KRT28: variants seen among roughly 807,000 people sequenced by gnomAD.
KRT28 encodes keratin 28.
In KRT28, 45 loss-of-function variants were observed where a neutral mutation model predicts 48.1. The ratio of observed to expected loss-of-function variants is 0.94; its 90% CI spans 0.74 to 1.20. The LOEUF (loss-of-function observed/expected upper bound fraction) is 1.20. Among genes scored for constraint, KRT28 ranks in the 50% most tolerant of loss-of-function variants. KRT28 has a pLI of 0.00. For missense variants in KRT28, 571 were observed against 574.1 expected, an observed-to-expected ratio of 0.99 and a Z score of 0.06; for synonymous variants, 228 against 227.4, an observed-to-expected ratio of 1.00 and a Z score of -0.03.
chr17:40,796,983 C>G lies in KRT28; in HGVS notation c.911G>C (p.Ser304Thr), dbSNP rs533675064. ...HDSGAATFAR[S>T]QLTEMRRTLQ... ...GGTGCGCCTCATCTCGGTGAGCTGG[C>G]TCCGGGCGAAAGTGGCTGCGCCTGA... The change falls in exon 5 of 8, where the codon AGC becomes ACC. Residue 304 changes from serine (S) to threonine (T), a missense_variant. Physicochemically the swap from Ser to Thr is moderately conservative, Grantham distance 58. Transcript: ENST00000306658. 2.5e-5 allele frequency: 41 copies of G among 1,612,804 alleles called. 1 individual carries two copies. The South Asian group carries it at 4.2e-4, about 16-fold the overall frequency.
chr17:40,798,268 C>A lies in KRT28; in HGVS notation c.657G>T (p.Glu219Asp). The change falls in exon 3 of 8, where the codon GAG (glutamate) becomes GAT (aspartate). Residue 219 changes from glutamate (E) to aspartate (D), a missense_variant. Physicochemically the swap from Glu to Asp is conservative, Grantham distance 45. Coordinates refer to ENST00000306658, the MANE Select transcript of KRT28 (RefSeq NM_181535.3). Reference protein sequence around the residue: ...DQELQYESLSEEMTYLKKNHE... With the variant: ...DQELQYESLSDEMTYLKKNHE... ...GGTTCTTTTTGAGATATGTCATCTC[C>A]TCACTCAGAGACTCATATTGCAGCT... is the stretch of plus-strand genomic sequence containing the variant. 4.3e-6 allele frequency: 7 copies of A among 1,610,710 alleles called. No individual in the cohort carries two copies. Among genetic ancestry groups the A allele is most frequent in the Non-Finnish European group, 5.9e-6 (7 of 1,177,162 alleles).
intron 3 of KRT28, among the ~76,000 whole-genome samples, chr17:40,798,033 C>G (rs755996402): frequency 6.6e-6 from 1 of 152,200 alleles, no homozygotes; most frequent in Non-Finnish European, 1.5e-5. Flanking sequence ...AGGCACTGTT[C>G]TGAGCGTGTG....
At chr17:40,797,350 C>T (rs578248956) in intron 3 of KRT28, 69 bp from the exon 4 acceptor site, 6 of 1,470,332 alleles carry the variant, frequency 4.1e-6, no homozygotes, top group African/African-American at 1.4e-5. Flanking sequence ...AGTTCTCAAA[C>T]GTGTTACTTT....
At chr17:40,794,685 TAC>T (rs1334921813) in intron 5 of KRT28, among the ~76,000 whole-genome samples, 2 of 152,256 alleles carry the variant, frequency 1.3e-5, no homozygotes, top group African/African-American at 4.8e-5. Context: ...TTGCTACTTC[TAC>T]AGTCTGTAAT....
At chr17:40,797,721 C>T (rs1184659815) in intron 3 of KRT28, among the ~76,000 whole-genome samples, 1 of 152,138 alleles carries the variant, frequency 6.6e-6, no homozygotes, top group African/African-American at 2.4e-5. Context: ...TGCACTCCAG[C>T]CTGGCCACAG....
Position 40,797,237 on chromosome 17 carries a change from C to T in KRT28, c.735G>A (p.Val245=). The T allele has an allele frequency of 6.2e-7, 1 of 1,614,182 alleles. No individual in the cohort carries two copies. Among genetic ancestry groups the T allele is most frequent in the Non-Finnish European group, 8.5e-7 (1 of 1,180,020 alleles). Reference sequence around the variant, plus strand: ...CTACCCCCGGGGCCGCGTTCATCTCCACGTTCACGTTGCCCCCAGCCGCGC... The same window carrying T: ...CTACCCCCGGGGCCGCGTTCATCTCTACGTTCACGTTGCCCCCAGCCGCGC... ...LQCAAGGNVN[V]EMNAAPGVDL... is the part of the protein sequence containing the mutation. Residue 245 remains valine, a synonymous_variant, in exon 4 of 8, where the codon GTG becomes GTA. Coordinates refer to ENST00000306658, the MANE Select transcript of KRT28 (RefSeq NM_181535.3).
At chr17:40,796,439 G>T (rs1302434670) in intron 5 of KRT28, among the ~76,000 whole-genome samples, 5 of 152,310 alleles carry the variant, frequency 3.3e-5, no homozygotes, top group African/African-American at 1.2e-4. Context: ...GTGCCCATGT[G>T]GCATTCAGGT....
intron 5 of KRT28, 22 bp downstream of exon 5, chr17:40,796,894 G>A: frequency 6.4e-7 from 1 of 1,565,958 alleles, no homozygotes; most frequent in Non-Finnish European, 8.6e-7. Context: ...CAGGATCCAG[G>A]CTGACCTTCG....
intron 7 of KRT28, 58 bp downstream of exon 7, chr17:40,793,097 C>T: frequency 8.2e-7 from 1 of 1,214,120 alleles, no homozygotes; most frequent in Non-Finnish European, 1.2e-6. Context: ...GAGACTCTGT[C>T]TCAAAAAAAT....
chr17:40,796,692 CA>C (rs1195297763), intron 5 of KRT28, among the ~76,000 whole-genome samples: 1 of 152,114 alleles, frequency 6.6e-6, no homozygotes, highest in African/African-American at 2.4e-5. Flanking sequence ...ATGAAATGAG[CA>C]CTAAGCATCA....
chr17:40,797,470 C>T (rs1164744395), intron 3 of KRT28, among the ~76,000 whole-genome samples, 189 bp from the exon 4 acceptor site: 2 of 152,124 alleles, frequency 1.3e-5, no homozygotes, highest in Non-Finnish European at 2.9e-5. Flanking sequence ...AACTGTTGAC[C>T]GGGCGAGGTG....
chr17:40,797,963 C>T (rs1012569875), intron 3 of KRT28, among the ~76,000 whole-genome samples: 1 of 152,044 alleles, frequency 6.6e-6, no homozygotes, highest in African/African-American at 2.4e-5. Context: ...AAATCCTGGC[C>T]CTCATAGGCA....
At chr17:40,795,853 G>A (rs2143072203) in intron 5 of KRT28, among the ~76,000 whole-genome samples, 1 of 152,278 alleles carries the variant, frequency 6.6e-6, no homozygotes, top group South Asian at 2.1e-4. Context: ...AGAGTCCTCA[G>A]GGATCTAGTT....
Position 40,799,017 on chromosome 17 carries a change from A to G in KRT28, c.451-18T>C. 4 of 1,406,564 alleles carry G rather than the reference A, an allele frequency of 2.8e-6. No individual in the cohort carries two copies. The highest frequency in any genetic ancestry group is 4.0e-6 in the Non-Finnish European group (4 of 1,004,696). The allele number at this position is 1,406,564 out of a possible 1,614,324, so 87.1% of individuals were successfully genotyped here. Reference sequence around the variant, plus strand: ...GAGATAATCTAGAATAAACCAAAACAGAGAACACAACAAGTAAGTATGCTT... The same window carrying G: ...GAGATAATCTAGAATAAACCAAAACGGAGAACACAACAAGTAAGTATGCTT... On this transcript the variant is annotated intron_variant, in intron 1 of 7. Coordinates refer to ENST00000306658, the MANE Select transcript of KRT28 (RefSeq NM_181535.3).
At chr17:40,795,030 A>G (rs1477356641) in intron 5 of KRT28, among the ~76,000 whole-genome samples, 1 of 152,260 alleles carries the variant, frequency 6.6e-6, no homozygotes, top group Non-Finnish European at 1.5e-5. Context: ...ACTTTAAAAA[A>G]TAATTTTGTA....
chr17:40,792,914 AC>A (rs1176688728), intron 7 of KRT28, among the ~76,000 whole-genome samples: 5 of 152,306 alleles, frequency 3.3e-5, no homozygotes, highest in Non-Finnish European at 5.9e-5. Context: ...AGCCTGGCCA[AC>A]ATGGTGAAAC....
Position 40,799,690 on chromosome 17 carries a change from A to G in KRT28, c.204T>C (p.Asn68=). The change falls in exon 1 of 8, where the codon AAT becomes AAC. Residue 68 remains asparagine (N), a synonymous_variant. Transcript: ENST00000306658. ...GGSHAGGALG[N]AACIGFAGSE... Reference sequence around the variant, plus strand: ...TTCCAGCAAAGCCAATACAAGCAGCATTTCCAAGGGCACCACCAGCATGGC... The same window carrying G: ...TTCCAGCAAAGCCAATACAAGCAGCGTTTCCAAGGGCACCACCAGCATGGC... 1 of 1,614,052 alleles carries G rather than the reference A, an allele frequency of 6.2e-7. No homozygotes were observed. Among genetic ancestry groups the G allele is most frequent in the South Asian group, 1.1e-5 (1 of 91,062 alleles).
intron 5 of KRT28, among the ~76,000 whole-genome samples, chr17:40,794,488 G>A (rs760724757): frequency 6.6e-6 from 1 of 152,126 alleles, no homozygotes; most frequent in Admixed American, 6.5e-5. Context: ...ATGGCCTTTT[G>A]TGCTACTGCT....
rs918750529 is a variant in KRT28 at position 40,798,336 on chromosome 17, G to A, written c.589C>T (p.Arg197Trp). 6 of 1,613,034 alleles carry A rather than the reference G, an allele frequency of 3.7e-6. No individual in the cohort carries two copies. The highest frequency in any genetic ancestry group is 5.1e-6 in the Non-Finnish European group (6 of 1,179,396). Residue 197 changes from arginine (R) to tryptophan (W), a missense_variant, in exon 3 of 8, where the codon CGG (arginine) becomes TGG (tryptophan). Transcript: ENST00000306658. ...QNVEADINGL[R>W]RVLDELTLCR... ...AGCGTCAGCTCGTCCAGGACTCGCC[G>A]TAATCCGTTGATGTCGGCCTCTACG...
Sources: allele counts gnomAD v4.1 joint callset (sites outside exome capture counted in the v4.1 genomes callset), GRCh38; gene constraint gnomAD v4.1.1; transcripts MANE v1.5; gene names NCBI Gene and HGNC (gene_info 2026-07-23, HGNC 2026-07-21).